The following SUZ12 variants were observed in gnomAD, a reference collection of about 807,000 sequenced individuals.
The protein encoded by SUZ12 is polycomb protein SUZ12.
SUZ12 carries 17 observed loss-of-function variants against 87.3 expected under a neutral mutation model. That is an observed-to-expected ratio of 0.19 (90% confidence interval 0.13 to 0.29). The LOEUF is 0.29. Ranked by LOEUF, SUZ12 falls within the 10% of genes least tolerant of loss-of-function variation. The pLI is 1.00. For missense variants in SUZ12, 526 were observed against 912.2 expected (o/e 0.58, Z 5.45); for synonymous variants, 253 against 312.4 (o/e 0.81, Z 2.01).
intron 4 of SUZ12, among the ~76,000 whole-genome samples, chr17:31,956,191 G>A (rs1322460815): frequency 1.3e-5 from 2 of 151,816 alleles, no homozygotes; most frequent in East Asian, 3.9e-4. Context: ...GGGATTACAG[G>A]CGTGAGCCAC....
chr17:31,954,419 C>T (rs978292313), intron 4 of SUZ12, among the ~76,000 whole-genome samples: 3 of 152,046 alleles, frequency 2.0e-5, no homozygotes, highest in African/African-American at 7.2e-5. Flanking sequence ...TTCTAAACCT[C>T]CCCCTTTTTA....
At position 31,994,619 on chromosome 17, in the gene SUZ12, C is replaced by T; in HGVS notation, c.1493C>T (p.Ser498Phe). The change falls in exon 13 of 16, where the codon TCC becomes TTC. Residue 498 changes from serine to phenylalanine, a missense_variant. Physicochemically the swap from Ser to Phe is radical, Grantham distance 155. This residue lies in a region of SUZ12 where 143 missense variants were observed against 321.6 expected (regional missense o/e 0.44). Coordinates refer to ENST00000322652, the MANE Select transcript of SUZ12 (RefSeq NM_015355.4). ...DVSINECYDG[S>F]YAGNPQDIHR... ...TCTATCAATGAGTGTTATGATGGCT[C>T]CTATGCAGGAAATCCTCAGGATATT... 1 of 1,613,810 alleles carries T rather than the reference C, an allele frequency of 6.2e-7. No individual in the cohort carries two copies. The highest frequency in any genetic ancestry group is 8.5e-7 in the Non-Finnish European group (1 of 1,179,976).
At chr17:31,970,365 C>T (rs2449780) in intron 5 of SUZ12, among the ~76,000 whole-genome samples, 1 of 152,134 alleles carries the variant, frequency 6.6e-6, no homozygotes, top group African/African-American at 2.4e-5. Context: ...CAATGGCTCA[C>T]GCCTGTAATC....
chr17:31,951,466 T>G (rs1906972978), intron 4 of SUZ12, among the ~76,000 whole-genome samples: 1 of 151,670 alleles, frequency 6.6e-6, no homozygotes, highest in African/African-American at 2.4e-5. Context: ...CATGAGCTAT[T>G]AAATGGTGGT....
At chr17:31,951,139 G>T (rs1309438175) in intron 4 of SUZ12, among the ~76,000 whole-genome samples, 1 of 152,094 alleles carries the variant, frequency 6.6e-6, no homozygotes, top group Non-Finnish European at 1.5e-5. Context: ...TCTAGTCTGG[G>T]AGTCTTCCAC....
intron 7 of SUZ12, among the ~76,000 whole-genome samples, chr17:31,975,932 A>G (rs1011660781): frequency 1.1e-4 from 17 of 152,218 alleles, no homozygotes; most frequent in Admixed American, 9.8e-4. Context: ...AGATTCAACA[A>G]TGAACATTTT....
chr17:31,972,300 A>AAT, intron 5 of SUZ12, among the ~76,000 whole-genome samples: 1 of 151,138 alleles, frequency 6.6e-6, no homozygotes, highest in African/African-American at 2.4e-5. Flanking sequence ...GGAATTAGGA[A>AAT]ATATATATAT....
At chr17:31,968,054 C>G (rs1342027286) in intron 5 of SUZ12, among the ~76,000 whole-genome samples, 6 of 152,102 alleles carry the variant, frequency 3.9e-5, no homozygotes, top group African/African-American at 1.4e-4. Flanking sequence ...TCTGTAGTCT[C>G]AGCTACTCAG....
Position 31,958,305 on chromosome 17 carries a change from G to A in SUZ12, c.456-7842G>A, listed in dbSNP as rs147621187. Among the ~76,000 whole-genome samples, 24 of 152,214 alleles carry A rather than the reference G, an allele frequency of 1.6e-4. No homozygotes were observed. The East Asian group carries it at 4.1e-3, about 26-fold the overall frequency. ...CCCACTTTGTCCTCCTAAAGTGTTA[G>A]GATTACAGGCGTGAGCCACTGCATC... On this transcript the variant is annotated intron_variant, in intron 4 of 15. Coordinates refer to ENST00000322652, the MANE Select transcript of SUZ12 (RefSeq NM_015355.4).
At chr17:31,989,475 G>A (rs1909591047) in intron 10 of SUZ12, among the ~76,000 whole-genome samples, 1 of 152,120 alleles carries the variant, frequency 6.6e-6, no homozygotes, top group African/African-American at 2.4e-5. Flanking sequence ...GTTAGAGCAA[G>A]TTTTTCCACT....
intron 6 of SUZ12, among the ~76,000 whole-genome samples, chr17:31,974,840 A>G (rs558554706): frequency 1.3e-5 from 2 of 152,246 alleles, no homozygotes; most frequent in Admixed American, 1.3e-4. Flanking sequence ...TGATCCTTCC[A>G]GTTTTTCTAG....
At chr17:31,966,118 A>G (rs1908071109) in intron 4 of SUZ12, 29 bp from the exon 5 acceptor site, 1 of 1,551,202 alleles carries the variant, frequency 6.4e-7, no homozygotes, top group Non-Finnish European at 8.7e-7. Flanking sequence ...CATTACAATG[A>G]TAAAATATTT....
At chr17:31,951,095 ATT>A (rs1284812344) in intron 4 of SUZ12, among the ~76,000 whole-genome samples, 1 of 151,970 alleles carries the variant, frequency 6.6e-6, no homozygotes, top group Non-Finnish European at 1.5e-5. Context: ...TCTTTGTACT[ATT>A]TCAGTTTGAC....
chr17:31,950,707 T>C (rs1327997156), intron 4 of SUZ12, among the ~76,000 whole-genome samples: 1 of 152,160 alleles, frequency 6.6e-6, no homozygotes, highest in African/African-American at 2.4e-5. Context: ...ATGATAAATC[T>C]TTGTTGTTCC....
intron 4 of SUZ12, among the ~76,000 whole-genome samples, chr17:31,962,855 G>A (rs77925292): frequency 0.16 from 23,264 of 145,848 alleles, no homozygotes; most frequent in African/African-American, 0.29. Context: ...TCTTATGAAA[G>A]TTAATCTGGT....
chr17:31,955,604 T>C (rs1004644304), intron 4 of SUZ12, among the ~76,000 whole-genome samples: 2 of 151,962 alleles, frequency 1.3e-5, no homozygotes, highest in Non-Finnish European at 2.9e-5. Context: ...AAAAATTAGC[T>C]GGGCAGAGTG....
intron 5 of SUZ12, among the ~76,000 whole-genome samples, chr17:31,971,301 A>G (rs1165193056): frequency 6.6e-6 from 1 of 152,140 alleles, no homozygotes; most frequent in Non-Finnish European, 1.5e-5. Context: ...TGCATTCATA[A>G]TGAAACATGT....
rs887405183 is a variant in SUZ12, at chr17:31,937,258, G to C, written c.12G>C (p.Gln4His). 1 of 1,398,132 alleles carries C rather than the reference G, an allele frequency of 7.2e-7. No individual in the cohort carries two copies. The highest frequency in any genetic ancestry group is 1.5e-5 in the African/African-American group (1 of 65,294). The allele number at this position is 1,398,132 out of a possible 1,614,324, so 86.6% of individuals were successfully genotyped here. Residue 4 changes from glutamine (Q) to histidine (H), a missense_variant, in exon 1 of 16, where the codon CAG (glutamine) becomes CAC (histidine). Transcript: ENST00000322652. ...AGGCAGGAACCGCGATGGCGCCTCA[G>C]AAGCACGGCGGTGGGGGAGGGGGCG... MAP[Q>H]KHGGGGGGGS...
chr17:31,994,536 TA>T (rs746534462), intron 12 of SUZ12, 27 bp from the exon 13 acceptor site: 10 of 1,547,836 alleles, frequency 6.5e-6, no homozygotes, highest in South Asian at 2.5e-5. Context: ...ATACTTAATA[TA>T]TTTTTTTTTT....
Sources: gnomAD v4.1 joint callset for allele counts (sites outside exome capture counted in the v4.1 genomes callset) on GRCh38, gnomAD v4.1.1 for gene constraint, gnomAD v4.1.1 regional missense constraint, MANE v1.5 for transcripts, NCBI Gene and HGNC (gene_info 2026-07-23, HGNC 2026-07-21) for gene names.